C8orf89: variants seen among roughly 807,000 people sequenced by gnomAD.
The protein encoded by C8orf89 is putative uncharacterized protein C8orf89.
A neutral mutation model predicts 15.8 loss-of-function variants in C8orf89; 14 were observed. The observed-to-expected ratio is 0.89, with a 90% CI of 0.59 to 1.39. C8orf89 has a LOEUF of 1.39. Among genes scored for constraint, C8orf89 ranks in the 40% most tolerant of loss-of-function variants. The pLI, the probability that C8orf89 is intolerant of heterozygous loss-of-function variation, is 0.00. For synonymous variants in C8orf89, 55 were observed against 62.2 expected (o/e 0.88, Z 0.54); for missense variants, 181 against 184.5 (o/e 0.98, Z 0.11).
chr8:73,277,744 T>C, the C8orf89 span: 32 of 745,418 alleles, frequency 4.3e-5, no homozygotes, highest in African/African-American at 6.9e-5. Context: ...CTCGTCCACA[T>C]GGGTTTTAGG....
At chr8:73,256,145 T>C (rs1813379153) in intron 2 of C8orf89, among the ~76,000 whole-genome samples, 1 of 149,814 alleles carries the variant, frequency 6.7e-6, no homozygotes, top group South Asian at 2.1e-4. Flanking sequence ...ATAATAATAA[T>C]AATAATAATA....
At chr8:73,267,658 A>T in the C8orf89 span, among the ~76,000 whole-genome samples, 7 of 152,232 alleles carry the variant, frequency 4.6e-5, no homozygotes, top group Non-Finnish European at 8.8e-5. Context: ...AATTATGACG[A>T]TTAATGTTTT....
chr8:73,278,771 T>G, the C8orf89 span, among the ~76,000 whole-genome samples: 1 of 152,344 alleles, frequency 6.6e-6, no homozygotes, highest in Admixed American at 6.5e-5. Context: ...AAAAAAATTT[T>G]TAAACCCTTT....
At chr8:73,241,637 A>C (rs1001012931) in intron 3 of C8orf89, 32 bp from the exon 4 acceptor site, 13 of 1,470,534 alleles carry the variant, frequency 8.8e-6, no homozygotes, top group Non-Finnish European at 1.2e-5. Flanking sequence ...CAGCTATTAA[A>C]ATGAATTAAG....
chr8:73,276,876 G>A, the C8orf89 span, among the ~76,000 whole-genome samples: 1,201 of 130,332 alleles, frequency 9.2e-3, 26 homozygotes, highest in East Asian at 0.091. Context: ...GCGTGATCTC[G>A]GCTCACTGCA....
intron 1 of C8orf89, among the ~76,000 whole-genome samples, chr8:73,258,240 T>C (rs1205540662): frequency 2.0e-5 from 3 of 151,826 alleles, no homozygotes; most frequent in Non-Finnish European, 2.9e-5. Context: ...TGAAATCCCA[T>C]CTCTACTAAA....
intron 3 of C8orf89, among the ~76,000 whole-genome samples, chr8:73,249,100 A>G (rs1479181851): frequency 3.3e-5 from 5 of 152,160 alleles, no homozygotes; most frequent in African/African-American, 1.2e-4. Context: ...ATGTCCTTCA[A>G]TACCTAGTTT....
At chr8:73,274,736 GTATA>G in the C8orf89 span, among the ~76,000 whole-genome samples, 4 of 152,214 alleles carry the variant, frequency 2.6e-5, no homozygotes, top group Middle Eastern at 3.4e-3. Flanking sequence ...CTGCACGTAG[GTATA>G]GGAGAAAAGA....
chr8:73,242,644 A>T (rs1418553476), intron 3 of C8orf89, among the ~76,000 whole-genome samples: 1 of 152,234 alleles, frequency 6.6e-6, no homozygotes, highest in Non-Finnish European at 1.5e-5. Context: ...TCTAAAAGAC[A>T]GTAAATAACA....
the C8orf89 span, among the ~76,000 whole-genome samples, chr8:73,273,268 C>A: frequency 1.3e-5 from 2 of 152,328 alleles, no homozygotes; most frequent in East Asian, 3.9e-4. Flanking sequence ...GGCTGCAGAC[C>A]TGGGCATCCC....
Position 73,255,302 on chromosome 8 carries a change from G to A in C8orf89, c.281+1671C>T, listed in dbSNP as rs917745083. 2.7e-3 allele frequency among the ~76,000 whole-genome samples: 405 copies of A among 152,194 alleles called. 1 individual carries two copies. The highest frequency in any genetic ancestry group is 3.3e-3 in the Non-Finnish European group (222 of 68,010). ...AAACAAACAACCCCATCAAAAAGTGGGCGAAGGACACAAACAGACACTTCT... is the reference window on the plus strand; with the variant it reads ...AAACAAACAACCCCATCAAAAAGTGAGCGAAGGACACAAACAGACACTTCT... On this transcript the variant is annotated intron_variant, in intron 2 of 3. Transcript: ENST00000624510.
chr8:73,281,880 T>C, the C8orf89 span, among the ~76,000 whole-genome samples: 5 of 152,232 alleles, frequency 3.3e-5, no homozygotes, highest in African/African-American at 1.2e-4. Flanking sequence ...TAAGCAAGTA[T>C]GCTTTCTCCA....
intron 3 of C8orf89, among the ~76,000 whole-genome samples, chr8:73,248,367 G>C (rs1181822880): frequency 1.3e-5 from 2 of 152,228 alleles, no homozygotes; most frequent in Non-Finnish European, 2.9e-5. Context: ...TTGAAGTCAG[G>C]TTGTGTGATA....
chr8:73,278,537 T>C, the C8orf89 span, among the ~76,000 whole-genome samples: 1 of 152,198 alleles, frequency 6.6e-6, no homozygotes, highest in African/African-American at 2.4e-5. Context: ...ATACTGTGTG[T>C]CTGAAAATTT....
chr8:73,280,868 A>C, the C8orf89 span, among the ~76,000 whole-genome samples: 1 of 151,974 alleles, frequency 6.6e-6, no homozygotes, highest in Non-Finnish European at 1.5e-5. Context: ...TTGCAGAGAA[A>C]ATACAGTCAA....
chr8:73,285,285 C>T, the C8orf89 span, among the ~76,000 whole-genome samples: 1 of 152,188 alleles, frequency 6.6e-6, no homozygotes, highest in African/African-American at 2.4e-5. Flanking sequence ...TAAGTACTTA[C>T]TTACCAGAAG....
chr8:73,249,420 G>GAGAC (rs1490665362), intron 3 of C8orf89, among the ~76,000 whole-genome samples: 1 of 152,114 alleles, frequency 6.6e-6, no homozygotes, highest in East Asian at 1.9e-4. Context: ...GTATCAGGAT[G>GAGAC]ATGCTTGTCT....
chr8:73,282,170 T>A, the C8orf89 span, among the ~76,000 whole-genome samples: 92,025 of 152,114 alleles, frequency 0.6, 27,995 homozygotes, highest in South Asian at 0.76. Flanking sequence ...GCATGTACGA[T>A]ATACACATAA....
intron 2 of C8orf89, among the ~76,000 whole-genome samples, chr8:73,256,726 C>CAGAAA (rs746689876): frequency 2.3e-5 from 1 of 43,702 alleles, no homozygotes; most frequent in African/African-American, 7.9e-5. Context: ...GACTCTGTCT[C>CAGAAA]AAAAAAAAAA....
Sources: allele counts gnomAD v4.1 joint callset (sites outside exome capture counted in the v4.1 genomes callset), GRCh38; gene constraint gnomAD v4.1.1; transcripts MANE v1.5; gene names NCBI Gene and HGNC (gene_info 2026-07-23, HGNC 2026-07-21).